MCC: variants seen among roughly 807,000 people sequenced by gnomAD.
The protein encoded by MCC is colorectal mutant cancer protein.
A neutral mutation model predicts 116.2 loss-of-function variants in MCC; 90 were observed. The observed-to-expected ratio is 0.77, with a 90% CI of 0.65 to 0.92. MCC has a LOEUF of 0.92. MCC is among the 40% of genes least tolerant of loss of function. The probability of loss-of-function intolerance (pLI) is 0.00; values close to 1 mark genes in which losing one functional copy is unlikely to be tolerated. For synonymous variants in MCC, 578 were observed against 510.5 expected (o/e 1.13, Z -1.78); for missense variants, 1,516 against 1,312.2 (o/e 1.16, Z -2.40).
chr5:113,434,120 G>A lies in MCC; in HGVS notation c.171-48908C>T. On this transcript the variant is annotated intron_variant, in intron 1 of 18. Coordinates refer to ENST00000408903, the MANE Select transcript of MCC (RefSeq NM_001085377.2). This position sits in a 1 kb window ranked among gnomAD's most constrained non-coding sequence, Gnocchi z 4.2. Reference sequence around the variant, plus strand: ...TGAGGTCCTTGCACTCGCCTGTCAGGTGCTTGGAGCGTGGGAAGTTGACGC... The same window carrying A: ...TGAGGTCCTTGCACTCGCCTGTCAGATGCTTGGAGCGTGGGAAGTTGACGC... 6.2e-7 allele frequency: 1 copy of A among 1,614,196 alleles called. No homozygotes were observed. The highest frequency in any genetic ancestry group is 8.5e-7 in the Non-Finnish European group (1 of 1,180,024).
chr5:113,030,124 T>G (rs923103890), intron 17 of MCC, among the ~76,000 whole-genome samples: 4 of 152,298 alleles, frequency 2.6e-5, no homozygotes, highest in Middle Eastern at 3.4e-3. Context: ...GAATGTAAAT[T>G]TGCATGATTA....
At chr5:113,058,281 C>T (rs1307703974) in intron 14 of MCC, among the ~76,000 whole-genome samples, 6 of 152,182 alleles carry the variant, frequency 3.9e-5, no homozygotes, top group Non-Finnish European at 7.3e-5. Flanking sequence ...TGAAGTGATA[C>T]TATTTTGGCA....
intron 1 of MCC, among the ~76,000 whole-genome samples, chr5:113,474,113 T>TA (rs1772170487): frequency 6.6e-6 from 1 of 152,180 alleles, no homozygotes; most frequent in Non-Finnish European, 1.5e-5. Flanking sequence ...AAAAAGTTGA[T>TA]AAACTTTTTT....
chr5:113,430,772 T>C (rs1477807364), intron 1 of MCC, among the ~76,000 whole-genome samples: 1 of 152,110 alleles, frequency 6.6e-6, no homozygotes, highest in Non-Finnish European at 1.5e-5. Context: ...CAGAGTGTGC[T>C]AGTTGGAGGG....
rs1427009092 is a variant in MCC, at chr5:113,024,771, C to T, written c.*2531G>A. The stretch of plus-strand genomic sequence containing the variant: ...ATCAGTATAGTTTAGTTCAGTAGCT[C>T]CCACAATTAGCATAATCAAGTGCCA... On this transcript the variant is annotated 3_prime_UTR_variant, in exon 19 of 19. Transcript: ENST00000408903. The T allele has an allele frequency of 6.6e-6, 1 of 151,966 alleles. No individual in the cohort carries two copies. The highest frequency in any genetic ancestry group is 1.5e-5 in the Non-Finnish European group (1 of 68,024). The allele number at this position is 151,966 out of a possible 1,614,324, so 9.4% of individuals were successfully genotyped here. A position where few individuals can be genotyped will look rare whatever the true frequency, so the allele number is the denominator to read the frequency against.
intron 3 of MCC, among the ~76,000 whole-genome samples, chr5:113,293,663 T>C (rs1766597212): frequency 6.6e-6 from 1 of 152,184 alleles, no homozygotes; most frequent in African/African-American, 2.4e-5. Flanking sequence ...TCAAAGCTGG[T>C]CTCAAACACT....
At chr5:113,252,065 T>C in intron 3 of MCC, among the ~76,000 whole-genome samples, 1 of 152,228 alleles carries the variant, frequency 6.6e-6, no homozygotes, top group East Asian at 1.9e-4. Flanking sequence ...CTGCTTTCTT[T>C]TCACCACAAC....
chr5:113,366,684 A>C (rs1366131562), intron 2 of MCC, among the ~76,000 whole-genome samples: 1 of 152,192 alleles, frequency 6.6e-6, no homozygotes, highest in Non-Finnish European at 1.5e-5. Flanking sequence ...CTTGGTGTGC[A>C]AGGTTTCCTC....
chr5:113,178,691 G>A (rs867245311), intron 3 of MCC, among the ~76,000 whole-genome samples: 3 of 152,016 alleles, frequency 2.0e-5, no homozygotes, highest in African/African-American at 4.8e-5. Flanking sequence ...TATCACTGTT[G>A]CGTTAACCTC....
At chr5:113,235,877 A>T (rs1486096554) in intron 3 of MCC, among the ~76,000 whole-genome samples, 1 of 152,198 alleles carries the variant, frequency 6.6e-6, no homozygotes, top group Non-Finnish European at 1.5e-5. Context: ...CTGGAGTCTG[A>T]ACATATATCT....
chr5:113,071,031 T>C, intron 12 of MCC, 63 bp downstream of exon 12: 2 of 1,547,200 alleles, frequency 1.3e-6, no homozygotes, highest in Non-Finnish European at 1.8e-6. Flanking sequence ...ACTTTTATTC[T>C]GAAGGTTACT....
chr5:113,442,860 A>C (rs933409632), intron 1 of MCC, among the ~76,000 whole-genome samples: 40 of 152,148 alleles, frequency 2.6e-4, no homozygotes, highest in South Asian at 8.3e-4. Context: ...TGGTCTATAT[A>C]GCTGTTTTGG....
chr5:113,395,364 T>G (rs546942166), intron 1 of MCC, among the ~76,000 whole-genome samples: 3 of 152,292 alleles, frequency 2.0e-5, no homozygotes, highest in South Asian at 4.1e-4. Context: ...CTAAATTCAC[T>G]ATGCCAAAAG....
At chr5:113,456,283 C>T (rs943982249) in intron 1 of MCC, among the ~76,000 whole-genome samples, 1 of 152,170 alleles carries the variant, frequency 6.6e-6, no homozygotes, top group Non-Finnish European at 1.5e-5. Flanking sequence ...ACCAGTCAGA[C>T]TCTACCAGGG....
At chr5:113,216,331 G>A (rs910204056) in intron 3 of MCC, among the ~76,000 whole-genome samples, 1 of 152,088 alleles carries the variant, frequency 6.6e-6, no homozygotes, top group Non-Finnish European at 1.5e-5. Flanking sequence ...CCCAATGAAG[G>A]TATAAGAAGT....
chr5:113,416,350 T>G (rs1056682742), intron 1 of MCC, among the ~76,000 whole-genome samples: 2 of 152,016 alleles, frequency 1.3e-5, no homozygotes, highest in Non-Finnish European at 2.9e-5. Flanking sequence ...GCACAGGAGT[T>G]TGAGGTTGTA....
chr5:113,196,193 A>G (rs886093537), intron 3 of MCC, among the ~76,000 whole-genome samples: 6 of 152,206 alleles, frequency 3.9e-5, no homozygotes, highest in African/African-American at 1.4e-4. Flanking sequence ...CTTCATTCCC[A>G]TCTCCCTTGC....
intron 1 of MCC, among the ~76,000 whole-genome samples, chr5:113,440,890 G>A (rs116160770): frequency 0.011 from 1,637 of 152,220 alleles, 36 homozygotes; most frequent in African/African-American, 0.037. Flanking sequence ...TTATATTACC[G>A]CTGGAATCAT....
At chr5:113,169,862 G>C (rs918069986) in intron 3 of MCC, among the ~76,000 whole-genome samples, 1 of 152,150 alleles carries the variant, frequency 6.6e-6, no homozygotes, top group Non-Finnish European at 1.5e-5. Context: ...GGCAGCAAGA[G>C]GCAATTTAAA....
Sources: gnomAD v4.1 joint callset for allele counts (sites outside exome capture counted in the v4.1 genomes callset) on GRCh38, gnomAD v4.1.1 for gene constraint, Gnocchi (gnomAD v3.1) non-coding constraint, MANE v1.5 for transcripts, NCBI Gene and HGNC (gene_info 2026-07-23, HGNC 2026-07-21) for gene names.